The following ROCK2 variants were observed in gnomAD, a reference collection of about 807,000 sequenced individuals.
ROCK2 encodes Rho associated coiled-coil containing protein kinase 2.
ROCK2 carries 61 observed loss-of-function variants against 195.1 expected under a neutral mutation model. The ratio of observed to expected loss-of-function variants is 0.31; its 90% confidence interval spans 0.25 to 0.39. The LOEUF (loss-of-function observed/expected upper bound fraction) is 0.39. Ranked by LOEUF, ROCK2 falls within the 10% of genes least tolerant of loss-of-function variation. The pLI is 1.00. For synonymous variants in ROCK2, 504 were observed against 545.5 expected (o/e 0.92, Z 1.06); for missense variants, 1,109 against 1,637.4 (o/e 0.68, Z 5.57).
At chr2:11,321,837 A>T (rs948739421) in intron 1 of ROCK2, among the ~76,000 whole-genome samples, 3 of 152,154 alleles carry the variant, frequency 2.0e-5, no homozygotes, top group African/African-American at 7.2e-5. Flanking sequence ...ATGGATAGTT[A>T]CTGACTGAAT....
intron 11 of ROCK2, chr2:11,217,451 C>CA: frequency 2.3e-6 from 1 of 443,562 alleles, no homozygotes; most frequent in Non-Finnish European, 4.2e-6. Flanking sequence ...CACAAAGTTT[C>CA]AAATTCATTA....
intron 1 of ROCK2, among the ~76,000 whole-genome samples, chr2:11,301,101 A>T (rs545836993): frequency 6.6e-6 from 1 of 152,328 alleles, no homozygotes; most frequent in South Asian, 2.1e-4. Flanking sequence ...AGCATATGTC[A>T]TTTAGTGGGG....
intron 1 of ROCK2, among the ~76,000 whole-genome samples, chr2:11,306,138 G>T (rs537903666): frequency 6.6e-6 from 1 of 152,220 alleles, no homozygotes; most frequent in South Asian, 2.1e-4. Context: ...AACATTATTT[G>T]GACAGTTGAC....
chr2:11,275,039 C>T (rs1666775455), intron 3 of ROCK2, among the ~76,000 whole-genome samples: 1 of 152,120 alleles, frequency 6.6e-6, no homozygotes. Flanking sequence ...GGCAGATCCC[C>T]TGAGGTCAGG....
intron 1 of ROCK2, among the ~76,000 whole-genome samples, chr2:11,335,356 G>T (rs978060567): frequency 4.6e-5 from 7 of 152,124 alleles, no homozygotes; most frequent in Non-Finnish European, 7.4e-5. Flanking sequence ...GATAAAGTGA[G>T]TATAGTTTTA....
intron 3 of ROCK2, among the ~76,000 whole-genome samples, chr2:11,270,292 C>CT (rs1666581325): frequency 6.6e-6 from 1 of 151,952 alleles, no homozygotes; most frequent in African/African-American, 2.4e-5. Context: ...CAGGCTTTTT[C>CT]TTATGCTTGG....
intron 32 of ROCK2, among the ~76,000 whole-genome samples, chr2:11,188,485 T>C (rs1252216529): frequency 6.6e-6 from 1 of 152,180 alleles, no homozygotes; most frequent in Non-Finnish European, 1.5e-5. Context: ...ATTAGCATTT[T>C]ATTCACAAAT....
chr2:11,339,582 A>C (rs1362447060), intron 1 of ROCK2, among the ~76,000 whole-genome samples: 2 of 152,074 alleles, frequency 1.3e-5, no homozygotes, highest in African/African-American at 4.8e-5. Context: ...ATATCCATTA[A>C]GTAGATCGGA....
intron 5 of ROCK2, among the ~76,000 whole-genome samples, chr2:11,233,110 A>C (rs1016395999): frequency 6.6e-6 from 1 of 152,166 alleles, no homozygotes; most frequent in Non-Finnish European, 1.5e-5. Context: ...GCTACTCAGG[A>C]GGCTAAGGAG....
intron 1 of ROCK2, among the ~76,000 whole-genome samples, chr2:11,306,203 G>T (rs890790015): frequency 2.0e-5 from 3 of 152,194 alleles, no homozygotes; most frequent in African/African-American, 7.2e-5. Flanking sequence ...AAAATAAGAA[G>T]TTTTTTAAAA....
At chr2:11,183,474 C>A (rs752367340) in intron 32 of ROCK2, 34 bp from the exon 33 acceptor site, 1 of 1,507,004 alleles carries the variant, frequency 6.6e-7, no homozygotes. Context: ...TTAGTTGATA[C>A]AGTGAAATAA....
At chr2:11,274,854 C>T (rs896573756) in intron 3 of ROCK2, among the ~76,000 whole-genome samples, 1 of 152,200 alleles carries the variant, frequency 6.6e-6, no homozygotes, top group Non-Finnish European at 1.5e-5. Flanking sequence ...CAGTGGTTAC[C>T]TGAAACCATG....
chr2:11,253,200 T>C (rs1558329752), intron 3 of ROCK2, among the ~76,000 whole-genome samples: 1 of 152,112 alleles, frequency 6.6e-6, no homozygotes. Flanking sequence ...TCAAGCACCT[T>C]ACCATTGTCT....
chr2:11,265,931 CAAA>C (rs11286415), intron 3 of ROCK2, among the ~76,000 whole-genome samples: 9 of 146,170 alleles, frequency 6.2e-5, no homozygotes, highest in Admixed American at 1.4e-4. Context: ...CTTGTTTCTA[CAAA>C]AAAAAAAAAA....
At chr2:11,330,174 A>G (rs1018395140) in intron 1 of ROCK2, among the ~76,000 whole-genome samples, 11 of 152,236 alleles carry the variant, frequency 7.2e-5, no homozygotes, top group Non-Finnish European at 1.3e-4. Context: ...AGTCAGTGAA[A>G]GAAGCATCAC....
intron 3 of ROCK2, among the ~76,000 whole-genome samples, chr2:11,278,860 C>T (rs1425456809): frequency 6.6e-6 from 1 of 152,116 alleles, no homozygotes; most frequent in East Asian, 1.9e-4. Flanking sequence ...TTGATCCACC[C>T]GCCTTGGCCT....
At position 11,197,964 on chromosome 2, in the gene ROCK2, C is replaced by G. The variant is rs1272931784; in HGVS notation, c.3100-259G>C. On this transcript the variant is annotated intron_variant, in intron 25 of 32. Transcript: ENST00000315872. The surrounding 1 kb of genome is among the most constrained non-coding windows in gnomAD (Gnocchi z 4.9). ...TAATTTAAATATTTATAGAATTGAT[C>G]TGATGTTGCTTTCTACCATTTTGAC... 6.6e-6 allele frequency among the ~76,000 whole-genome samples: 1 copy of G among 152,144 alleles called. No homozygotes were observed. The highest frequency in any genetic ancestry group is 6.5e-5 in the Admixed American group (1 of 15,278).
chr2:11,299,687 T>C (rs1359197703), intron 1 of ROCK2, among the ~76,000 whole-genome samples: 1 of 152,026 alleles, frequency 6.6e-6, no homozygotes, highest in Non-Finnish European at 1.5e-5. Context: ...AAGAAGAAAA[T>C]AGTTGTTGAT....
chr2:11,298,321 T>C (rs1667599031), intron 1 of ROCK2, among the ~76,000 whole-genome samples: 1 of 151,718 alleles, frequency 6.6e-6, no homozygotes. Flanking sequence ...AATACAAAAA[T>C]TAGCCGGGCA....
Sources: allele counts gnomAD v4.1 joint callset (sites outside exome capture counted in the v4.1 genomes callset), GRCh38; gene constraint gnomAD v4.1.1; non-coding constraint Gnocchi (gnomAD v3.1); transcripts MANE v1.5; gene names NCBI Gene and HGNC (gene_info 2026-07-23, HGNC 2026-07-21).